Variants in ST8SIA1 observed in about 807,000 individuals in gnomAD.
ST8SIA1 encodes the protein ST8 alpha-N-acetyl-neuraminide alpha-2,8-sialyltransferase 1.
A neutral mutation model predicts 35.9 loss-of-function variants in ST8SIA1; 16 were observed. The observed-to-expected ratio is 0.45, with a 90% CI of 0.30 to 0.68. ST8SIA1 has a LOEUF of 0.68. ST8SIA1 is among the 30% of genes least tolerant of loss of function. The pLI, the probability that ST8SIA1 is intolerant of heterozygous loss-of-function variation, is 0.09. For missense variants in ST8SIA1, 383 were observed against 453.6 expected (o/e 0.84, Z 1.41); for synonymous variants, 170 against 169.6 (o/e 1.00, Z -0.02).
rs544280876 is a variant in ST8SIA1 at position 22,198,241 on chromosome 12, G to A, written c.*3311C>T. Reference sequence around the variant, plus strand: ...TGGTACAAAGTGATGCCCCCTCTTGGCAGGTGCATCACCAAAAGTGATTAA... The same window carrying A: ...TGGTACAAAGTGATGCCCCCTCTTGACAGGTGCATCACCAAAAGTGATTAA... On this transcript the variant is annotated 3_prime_UTR_variant, in exon 5 of 5. Coordinates refer to ENST00000396037, the MANE Select transcript of ST8SIA1 (RefSeq NM_003034.4). The A allele has an allele frequency of 6.6e-6, 1 of 151,998 alleles. No individual in the cohort carries two copies. The highest frequency in any genetic ancestry group is 2.4e-5 in the African/African-American group (1 of 41,444). 9.4% of individuals were successfully genotyped at this position (151,998 alleles called of 1,614,324 possible). A position where few individuals can be genotyped will look rare whatever the true frequency, so the allele number is the denominator to read the frequency against.
chr12:22,245,112 T>G (rs1408640406), intron 4 of ST8SIA1, among the ~76,000 whole-genome samples: 1 of 152,246 alleles, frequency 6.6e-6, no homozygotes, highest in Non-Finnish European at 1.5e-5. Context: ...GCTTCTTTGC[T>G]ATTCTCGGCA....
intron 1 of ST8SIA1, among the ~76,000 whole-genome samples, chr12:22,290,274 G>T (rs1866158212): frequency 6.6e-6 from 1 of 152,148 alleles, no homozygotes; most frequent in Non-Finnish European, 1.5e-5. Flanking sequence ...CCACAATGTG[G>T]AAATGTGTAT....
intron 4 of ST8SIA1, among the ~76,000 whole-genome samples, chr12:22,244,616 C>T (rs1865578184): frequency 6.6e-6 from 1 of 152,104 alleles, no homozygotes; most frequent in African/African-American, 2.4e-5. Flanking sequence ...GCCACCATAC[C>T]TGGCTAACTT....
chr12:22,334,079 G>A lies in ST8SIA1; in HGVS notation c.154C>T (p.Pro52Ser), dbSNP rs747571694. The change falls in exon 1 of 5, where the codon CCC (proline) becomes TCC (serine). Residue 52 changes from proline (P) to serine (S), a missense_variant. Pro to Ser is a moderately conservative substitution (Grantham distance 74). Coordinates refer to ENST00000396037, the MANE Select transcript of ST8SIA1 (RefSeq NM_003034.4). Reference protein sequence around the residue: ...WLYIFPVYRLPNEKEIVQGVL... With the variant: ...WLYIFPVYRLSNEKEIVQGVL... The stretch of plus-strand genomic sequence containing the variant: ...CCCTGCACGATCTCTTTCTCGTTGG[G>A]CAGCCGGTAGACGGGGAAGATGTAG... The A allele has an allele frequency of 1.9e-6, 3 of 1,613,932 alleles. No homozygotes were observed. Among genetic ancestry groups the A allele is most frequent in the East Asian group, 4.5e-5 (2 of 44,872 alleles).
chr12:22,285,105 G>C (rs561885886), intron 2 of ST8SIA1, among the ~76,000 whole-genome samples: 1 of 152,304 alleles, frequency 6.6e-6, no homozygotes, highest in South Asian at 2.1e-4. Flanking sequence ...CCAGCTTCCT[G>C]CTGAAGCATG....
At chr12:22,294,018 A>AATC (rs1423232571) in intron 1 of ST8SIA1, among the ~76,000 whole-genome samples, 1 of 152,158 alleles carries the variant, frequency 6.6e-6, no homozygotes, top group African/African-American at 2.4e-5. Context: ...TGTCTGAAAT[A>AATC]ATCAATTTTG....
chr12:22,332,993 T>C (rs914386863), intron 1 of ST8SIA1, among the ~76,000 whole-genome samples: 1 of 152,156 alleles, frequency 6.6e-6, no homozygotes, highest in African/African-American at 2.4e-5. Context: ...CACCTCGCAG[T>C]GGTGGAAGCA....
intron 1 of ST8SIA1, among the ~76,000 whole-genome samples, chr12:22,328,087 T>C (rs1300704125): frequency 6.6e-6 from 1 of 152,174 alleles, no homozygotes; most frequent in African/African-American, 2.4e-5. Context: ...CATTCTACAA[T>C]GTACCGGACA....
At chr12:22,285,871 CAAAAACA>C in intron 2 of ST8SIA1, among the ~76,000 whole-genome samples, 1 of 94,946 alleles carries the variant, frequency 1.1e-5, no homozygotes, top group African/African-American at 4.6e-5. Flanking sequence ...AAGACTCTGT[CAAAAACA>C]AAAAAAAAAA....
At chr12:22,232,659 CT>C (rs899767841) in intron 4 of ST8SIA1, among the ~76,000 whole-genome samples, 6 of 152,002 alleles carry the variant, frequency 3.9e-5, no homozygotes, top group Non-Finnish European at 5.9e-5. Flanking sequence ...AGCCCTGAGA[CT>C]GGATAAAATC....
intron 2 of ST8SIA1, among the ~76,000 whole-genome samples, chr12:22,279,642 T>C (rs1403692019): frequency 6.6e-6 from 1 of 152,248 alleles, no homozygotes; most frequent in Non-Finnish European, 1.5e-5. Flanking sequence ...TTCTGCATAC[T>C]AGCAGCACAT....
At chr12:22,261,710 C>T (rs1865794260) in intron 2 of ST8SIA1, among the ~76,000 whole-genome samples, 1 of 152,046 alleles carries the variant, frequency 6.6e-6, no homozygotes, top group East Asian at 1.9e-4. Flanking sequence ...ACCGTGAGCC[C>T]CATCACTCTA....
chr12:22,220,631 CA>C (rs1407927491), intron 4 of ST8SIA1, among the ~76,000 whole-genome samples: 1 of 152,164 alleles, frequency 6.6e-6, no homozygotes, highest in African/African-American at 2.4e-5. Context: ...TTAAATTTGC[CA>C]ATTAAAAGCA....
chr12:22,287,066 A>G, intron 2 of ST8SIA1, 83 bp downstream of exon 2: 2 of 1,319,400 alleles, frequency 1.5e-6, no homozygotes, highest in South Asian at 3.1e-5. Flanking sequence ...CAATCTGATG[A>G]GTAAGGCAAA....
intron 1 of ST8SIA1, among the ~76,000 whole-genome samples, chr12:22,321,004 A>AG (rs1565596025): frequency 4.3e-4 from 11 of 25,302 alleles, no homozygotes; most frequent in Non-Finnish European, 7.5e-4. Flanking sequence ...AGAAAGAAAG[A>AG]AGAAAGAAAG....
chr12:22,239,431 C>G (rs1366057686), intron 4 of ST8SIA1, among the ~76,000 whole-genome samples: 1 of 152,072 alleles, frequency 6.6e-6, no homozygotes, highest in Non-Finnish European at 1.5e-5. Flanking sequence ...TTCACAAATT[C>G]TCTCTCCAGT....
intron 4 of ST8SIA1, chr12:22,248,737 T>C: frequency 2.8e-6 from 1 of 362,072 alleles, no homozygotes; most frequent in Non-Finnish European, 5.0e-6. Context: ...AACAGAGTAT[T>C]GTGCTGTTCT....
intron 1 of ST8SIA1, among the ~76,000 whole-genome samples, chr12:22,307,355 T>A (rs1384416549): frequency 6.6e-6 from 1 of 152,118 alleles, no homozygotes; most frequent in East Asian, 1.9e-4. Flanking sequence ...AAAGAAACCC[T>A]CCAATATCTT....
intron 2 of ST8SIA1, among the ~76,000 whole-genome samples, chr12:22,259,297 T>TTA (rs1555157750): frequency 6.6e-6 from 1 of 151,996 alleles, no homozygotes; most frequent in Non-Finnish European, 1.5e-5. Context: ...GGGGTTTTTT[T>TTA]AAAAAAAGCC....
Sources: gnomAD v4.1 joint callset for allele counts (sites outside exome capture counted in the v4.1 genomes callset) on GRCh38, gnomAD v4.1.1 for gene constraint, MANE v1.5 for transcripts, NCBI Gene and HGNC (gene_info 2026-07-23, HGNC 2026-07-21) for gene names.